SH3GLB2: variants seen among roughly 807,000 people sequenced by gnomAD.
SH3GLB2 encodes the protein endophilin-B2.
SH3GLB2 carries 24 observed loss-of-function variants against 48.0 expected under a neutral mutation model. The observed-to-expected ratio is 0.50, with a 90% CI of 0.36 to 0.70. The LOEUF (loss-of-function observed/expected upper bound fraction) is 0.70, where lower values mean the gene tolerates loss of function less well. Ranked by LOEUF, SH3GLB2 falls within the 30% of genes least tolerant of loss-of-function variation. SH3GLB2 has a pLI of 0.00. For missense variants in SH3GLB2, 425 were observed against 516.0 expected (o/e 0.82, Z 1.71); for synonymous variants, 227 against 207.6 (o/e 1.09, Z -0.80).
intron 9 of SH3GLB2, 175 bp from the exon 10 acceptor site, chr9:129,009,521 C>A: frequency 6.5e-7 from 1 of 1,548,230 alleles, no homozygotes; most frequent in Non-Finnish European, 8.7e-7. Context: ...GGCCCCACCC[C>A]CTGGTCCCTG....
At chr9:129,010,553 C>T in intron 7 of SH3GLB2, 117 bp downstream of exon 7, 2 of 1,208,872 alleles carry the variant, frequency 1.7e-6, no homozygotes, top group Non-Finnish European at 2.4e-6. Flanking sequence ...AAAGCAGTAA[C>T]CCCTCCCCAG....
Position 129,028,013 on chromosome 9 carries a change from C to T in SH3GLB2, c.63+79G>A, listed in dbSNP as rs111370847. On this transcript the variant is annotated intron_variant, in intron 1 of 10. Transcript: ENST00000372564. ...GCAGCCCGGGAGGGCTTTCCCGCGT[C>T]CCCAGGCGTCTGCCGCAGGGTGCTC... 262 of 1,366,926 alleles carry T rather than the reference C, an allele frequency of 1.9e-4. 2 individuals carry two copies. In the African/African-American group the frequency reaches 3.0e-3, roughly 15 times the overall value. 84.7% of individuals were successfully genotyped at this position (1,366,926 alleles called of 1,614,324 possible).
chr9:129,019,579 G>A (rs997822817), intron 3 of SH3GLB2, among the ~76,000 whole-genome samples: 6 of 150,826 alleles, frequency 4.0e-5, no homozygotes, highest in African/African-American at 9.8e-5. Flanking sequence ...GGTGGTGGGC[G>A]TGTGCAATCC....
rs1045434958 is a variant in SH3GLB2 at position 129,016,239 on chromosome 9, A to G, written c.335-1335T>C. ...GCATCTGTAATTCCAGCTACTTGGGAGACTGAGGCAGGAGAATTGCTTGAA... is the reference window on the plus strand; with the variant it reads ...GCATCTGTAATTCCAGCTACTTGGGGGACTGAGGCAGGAGAATTGCTTGAA... On this transcript the variant is annotated intron_variant, in intron 3 of 10. Coordinates refer to ENST00000372564, the MANE Select transcript of SH3GLB2 (RefSeq NM_020145.4). Among the ~76,000 whole-genome samples, 11 of 146,798 alleles carry G rather than the reference A, an allele frequency of 7.5e-5. No individual in the cohort carries two copies. The East Asian group carries it at 2.4e-3, about 32-fold the overall frequency.
At chr9:129,021,600 TG>T in intron 2 of SH3GLB2, among the ~76,000 whole-genome samples, 1 of 151,530 alleles carries the variant, frequency 6.6e-6, no homozygotes, top group Middle Eastern at 3.4e-3. Flanking sequence ...TGCTTGACCT[TG>T]GGGGCCTGCC....
rs1232179459 is a variant in SH3GLB2, at chr9:129,014,103, G to T, written c.561+308C>A. 2.3e-5 allele frequency: 14 copies of T among 603,588 alleles called. No individual in the cohort carries two copies. Among genetic ancestry groups the T allele is most frequent in the Non-Finnish European group, 3.7e-5 (12 of 322,364 alleles). 37.4% of individuals were successfully genotyped at this position (603,588 alleles called of 1,614,324 possible). Reference sequence around the variant, plus strand: ...CCCGGGCAGAGCCGGGGACAGAGCCGAGCATCTAGGAGGGCAGGGCAGGGC... The same window carrying T: ...CCCGGGCAGAGCCGGGGACAGAGCCTAGCATCTAGGAGGGCAGGGCAGGGC... On this transcript the variant is annotated intron_variant, in intron 5 of 10. Transcript: ENST00000372564. The surrounding 1 kb of genome is among the most constrained non-coding windows in gnomAD (Gnocchi z 4.1).
In SH3GLB2 at chr9:129,014,132, C is replaced by T; in HGVS notation, c.561+279G>A. 3.3e-6 allele frequency: 2 copies of T among 609,028 alleles called. No individual in the cohort carries two copies. Among genetic ancestry groups the T allele is most frequent in the East Asian group, 3.3e-5 (1 of 30,666 alleles). The allele number at this position is 609,028 out of a possible 1,614,324, so 37.7% of individuals were successfully genotyped here. On this transcript the variant is annotated intron_variant, in intron 5 of 10. Transcript: ENST00000372564. The surrounding 1 kb of genome is among the most constrained non-coding windows in gnomAD (Gnocchi z 4.1). ...ATCTAGGAGGGCAGGGCAGGGCATG[C>T]AGGAGACTCCAGCTGCCTGGCGGGG...
chr9:129,017,548 G>C (rs1466348263), intron 3 of SH3GLB2, among the ~76,000 whole-genome samples: 4 of 152,062 alleles, frequency 2.6e-5, no homozygotes, highest in Non-Finnish European at 5.9e-5. Flanking sequence ...CGGATCACTT[G>C]AGATCAGGAG....
intron 7 of SH3GLB2, 99 bp downstream of exon 7, chr9:129,010,571 G>A: frequency 1.4e-6 from 2 of 1,394,216 alleles, no homozygotes; most frequent in South Asian, 2.4e-5. Context: ...CAGTGGGTGT[G>A]GGGCAGAGTG....
At chr9:129,021,296 C>T (rs556420725) in intron 2 of SH3GLB2, 77 bp from the exon 3 acceptor site, 29 of 1,469,012 alleles carry the variant, frequency 2.0e-5, no homozygotes, top group East Asian at 2.0e-4. Flanking sequence ...GACCCAGACC[C>T]GGCCCTGCCC....
At position 129,010,655 on chromosome 9, in the gene SH3GLB2, C is replaced by G; in HGVS notation, c.648+15G>C. 1 of 1,614,004 alleles carries G rather than the reference C, an allele frequency of 6.2e-7. No homozygotes were observed. The highest frequency in any genetic ancestry group is 1.1e-5 in the South Asian group (1 of 91,076). ...CCCTTCTTCCTCGAGCCCAGCCCCC[C>G]AGGCCCCAACTTACCTTGTCCACTT... On this transcript the variant is annotated intron_variant, in intron 7 of 10. Coordinates refer to ENST00000372564, the MANE Select transcript of SH3GLB2 (RefSeq NM_020145.4).
intron 9 of SH3GLB2, 180 bp downstream of exon 9, chr9:129,009,591 T>C (rs1270378819): frequency 2.0e-6 from 3 of 1,509,070 alleles, no homozygotes; most frequent in Admixed American, 3.9e-5. Context: ...GACTTGGCCG[T>C]CAGTAAGGCC....
At chr9:129,024,179 T>C (rs918913619) in intron 1 of SH3GLB2, among the ~76,000 whole-genome samples, 2 of 146,770 alleles carry the variant, frequency 1.4e-5, no homozygotes, top group Non-Finnish European at 3.0e-5. Context: ...CCCAGCACTT[T>C]GGAAGGCCGA....
chr9:129,024,395 A>G lies in SH3GLB2; in HGVS notation c.64-1972T>C, dbSNP rs183824713. Among the ~76,000 whole-genome samples, 389 of 151,562 alleles carry G rather than the reference A, an allele frequency of 2.6e-3. 1 individual carries two copies. Among genetic ancestry groups the G allele is most frequent in the African/African-American group, 9.1e-3 (377 of 41,282 alleles). ...GCTAGCAAGGTGAAACCCCTTCTCT[A>G]CTAAAAATACAAAAAATTAGCCGGG... On this transcript the variant is annotated intron_variant, in intron 1 of 10. Coordinates refer to ENST00000372564, the MANE Select transcript of SH3GLB2 (RefSeq NM_020145.4).
chr9:129,018,891 CAAA>C, intron 3 of SH3GLB2, among the ~76,000 whole-genome samples: 1 of 85,164 alleles, frequency 1.2e-5, no homozygotes, highest in Non-Finnish European at 2.4e-5. Flanking sequence ...GACTCCATCT[CAAA>C]AAAAAAAAAA....
In SH3GLB2 at chr9:129,009,668, C is replaced by G; in HGVS notation, c.839+103G>C. ...GTGGGTTCCAGCAGAGCCCTCCAAC[C>G]CAGCTTTGTGTCACAGGACTTGCCC... is the stretch of plus-strand genomic sequence containing the variant. On this transcript the variant is annotated intron_variant, in intron 9 of 10. Transcript: ENST00000372564. 2.2e-6 allele frequency: 3 copies of G among 1,387,994 alleles called. No individual in the cohort carries two copies. The South Asian group carries it at 3.9e-5, about 18-fold the overall frequency. 86.0% of individuals were successfully genotyped at this position (1,387,994 alleles called of 1,614,324 possible).
At chr9:129,016,377 A>C (rs1843424257) in intron 3 of SH3GLB2, among the ~76,000 whole-genome samples, 3 of 139,240 alleles carry the variant, frequency 2.2e-5, no homozygotes, top group South Asian at 2.4e-4. Flanking sequence ...AAAAAAAGAT[A>C]CGGCCGGGTG....
rs749165304 is a variant in SH3GLB2 at position 129,021,113 on chromosome 9, C to A, written c.312G>T (p.Glu104Asp). The A allele has an allele frequency of 2.5e-6, 4 of 1,610,770 alleles. No individual in the cohort carries two copies. ...CACCATAGGGGGTGGTCGGCCCCAG[C>A]TCACTGGCCGCGTCTGCCATGTACT... ...LAQYMADAAS[E>D]LGPTTPYGKT... The change falls in exon 3 of 11, where the codon GAG becomes GAT. Residue 104 changes from glutamate (E) to aspartate (D), a missense_variant. Coordinates refer to ENST00000372564, the MANE Select transcript of SH3GLB2 (RefSeq NM_020145.4).
chr9:129,027,986 C>T (rs1015207155), intron 1 of SH3GLB2, 106 bp downstream of exon 1: 2 of 1,072,392 alleles, frequency 1.9e-6, no homozygotes, highest in Non-Finnish European at 2.5e-6. Flanking sequence ...GGGACGAGGG[C>T]AGCAGCCCGG....
Sources: gnomAD v4.1 joint callset for allele counts (sites outside exome capture counted in the v4.1 genomes callset) on GRCh38, gnomAD v4.1.1 for gene constraint, Gnocchi (gnomAD v3.1) non-coding constraint, MANE v1.5 for transcripts, NCBI Gene and HGNC (gene_info 2026-07-23, HGNC 2026-07-21) for gene names.